The following ACOXL variants were observed in gnomAD, a reference collection of about 807,000 sequenced individuals.
ACOXL encodes the protein acyl-CoA oxidase like.
A neutral mutation model predicts 71.9 loss-of-function variants in ACOXL; 70 were observed. That is an observed-to-expected ratio of 0.97 (90% CI 0.80 to 1.19). ACOXL has a LOEUF of 1.19. ACOXL is among the 50% of genes most tolerant of loss of function. The pLI, the probability that ACOXL is intolerant of heterozygous loss-of-function variation, is 0.00. For synonymous variants in ACOXL, 253 were observed against 281.6 expected, an observed-to-expected ratio of 0.90 and a Z score of 1.02; for missense variants, 703 against 736.3, an observed-to-expected ratio of 0.95 and a Z score of 0.52.
chr2:110,815,632 T>C (rs1158462173), intron 9 of ACOXL, among the ~76,000 whole-genome samples: 2 of 152,166 alleles, frequency 1.3e-5, no homozygotes, highest in Non-Finnish European at 2.9e-5. Flanking sequence ...GATTATTACA[T>C]GGTTTGCAGT....
chr2:111,063,175 C>T (rs2066901273), intron 16 of ACOXL, among the ~76,000 whole-genome samples: 1 of 151,956 alleles, frequency 6.6e-6, no homozygotes, highest in African/African-American at 2.4e-5. Flanking sequence ...AATTCCAGGC[C>T]CAGATACTTT....
At chr2:111,075,450 A>G (rs2067552819) in intron 16 of ACOXL, among the ~76,000 whole-genome samples, 1 of 128,114 alleles carries the variant, frequency 7.8e-6, no homozygotes, top group Non-Finnish European at 1.7e-5. Flanking sequence ...TTCATTTTTG[A>G]TTTCAGTAAT....
chr2:111,114,130 T>C (rs1481101433), intron 17 of ACOXL: 2 of 152,700 alleles, frequency 1.3e-5, no homozygotes, highest in East Asian at 3.8e-4. Context: ...GTTCTTTGGC[T>C]AGTCTTACCT....
rs761671637 is a variant in ACOXL, at chr2:111,049,263, A to T, written c.1415A>T (p.Gln472Leu). The T allele has an allele frequency of 6.2e-7, 1 of 1,612,346 alleles. No individual in the cohort carries two copies. Among genetic ancestry groups the T allele is most frequent in the East Asian group, 2.2e-5 (1 of 44,872 alleles). ...FSLAVKSCPD[Q>L]EDQTLLMKFC... ...CTAGCAGTGAAGAGCTGTCCTGACC[A>T]AGAGGACCAGACTTTGTTAATGAAG... The change falls in exon 16 of 18, where the codon CAA (glutamine) becomes CTA (leucine). Residue 472 changes from glutamine to leucine, a missense_variant. By Grantham distance (113) the Gln-to-Leu change is moderately radical. Coordinates refer to ENST00000439055, the MANE Select transcript of ACOXL (RefSeq NM_001142807.4).
intron 1 of ACOXL, among the ~76,000 whole-genome samples, chr2:110,743,124 T>C (rs1442534728): frequency 6.6e-6 from 1 of 152,242 alleles, no homozygotes; most frequent in Non-Finnish European, 1.5e-5. Flanking sequence ...GAGTTGTGTA[T>C]TCTGGACATT....
chr2:111,007,104 A>G (rs2063912988), intron 14 of ACOXL, among the ~76,000 whole-genome samples: 1 of 152,182 alleles, frequency 6.6e-6, no homozygotes, highest in Non-Finnish European at 1.5e-5. Flanking sequence ...CTCCCATGGG[A>G]GTATGAGAGC....
chr2:111,052,515 A>C (rs944341228), intron 16 of ACOXL, among the ~76,000 whole-genome samples: 1 of 152,128 alleles, frequency 6.6e-6, no homozygotes, highest in African/African-American at 2.4e-5. Flanking sequence ...GACCCTGCAG[A>C]CCCGAGAAGG....
At chr2:110,835,236 G>A (rs780660103) in intron 9 of ACOXL, among the ~76,000 whole-genome samples, 3 of 151,940 alleles carry the variant, frequency 2.0e-5, no homozygotes, top group East Asian at 3.9e-4. Flanking sequence ...TTTAACTTAA[G>A]TGTGGCTTTT....
In ACOXL at chr2:110,817,204, C is replaced by G. The variant is rs112570201; in HGVS notation, c.753+11809C>G. 1.7e-3 allele frequency among the ~76,000 whole-genome samples: 253 copies of G among 152,346 alleles called. 1 individual carries two copies. Among genetic ancestry groups the G allele is most frequent in the African/African-American group, 5.7e-3 (239 of 41,584 alleles). ...CCACGTGCTGATGGTCTCCCGTGGG[C>G]TAGGCTCTTGAGATTCCATGTGTGT... On this transcript the variant is annotated intron_variant, in intron 9 of 17. Transcript: ENST00000439055.
At chr2:110,750,103 A>G (rs577271746) in intron 1 of ACOXL, among the ~76,000 whole-genome samples, 60 of 152,276 alleles carry the variant, frequency 3.9e-4, no homozygotes, top group Admixed American at 1.5e-3. Flanking sequence ...AGGTTTCTCC[A>G]CTGTACAGTT....
intron 2 of ACOXL, among the ~76,000 whole-genome samples, chr2:110,771,638 G>A (rs961028309): frequency 2.0e-5 from 3 of 152,152 alleles, no homozygotes; most frequent in Non-Finnish European, 2.9e-5. Context: ...ATTTTAAAGC[G>A]AAAAAACAAT....
intron 10 of ACOXL, among the ~76,000 whole-genome samples, chr2:110,886,497 C>T (rs999366786): frequency 2.0e-4 from 30 of 151,766 alleles, no homozygotes; most frequent in African/African-American, 6.1e-4. Context: ...CTGCCTCAGC[C>T]TCCTGAGTAG....
At position 110,995,881 on chromosome 2, in the gene ACOXL, ATTTT is replaced by A; in HGVS notation, c.1170-11_1170-8del. The A allele has an allele frequency of 6.2e-7, 1 of 1,605,866 alleles. No individual in the cohort carries two copies. The highest frequency in any genetic ancestry group is 8.5e-7 in the Non-Finnish European group (1 of 1,172,730). On this transcript the variant is annotated splice_region_variant and splice_polypyrimidine_tract_variant and intron_variant, in intron 13 of 17. Coordinates refer to ENST00000439055, the MANE Select transcript of ACOXL (RefSeq NM_001142807.4). ...CAAAATAATAATGATGGTCACCGTG[ATTTT>A]CTTTCAGTTTCCTGGCATTTAACAT...
intron 11 of ACOXL, among the ~76,000 whole-genome samples, chr2:110,919,052 G>A (rs1444703075): frequency 1.3e-5 from 2 of 152,010 alleles, no homozygotes; most frequent in African/African-American, 4.8e-5. Flanking sequence ...CCCATTACTG[G>A]GTATATACCC....
chr2:110,825,329 A>G (rs949933297), intron 9 of ACOXL, among the ~76,000 whole-genome samples: 2 of 152,194 alleles, frequency 1.3e-5, no homozygotes, highest in African/African-American at 4.8e-5. Context: ...TCAGGAAATA[A>G]CAATTAAAAA....
chr2:111,088,860 C>T (rs377557000), intron 16 of ACOXL, among the ~76,000 whole-genome samples: 67 of 152,108 alleles, frequency 4.4e-4, no homozygotes, highest in Admixed American at 2.2e-3. Context: ...TAAAATTCTA[C>T]GAAAGACTAT....
chr2:111,033,078 C>T (rs1288452036), intron 15 of ACOXL, among the ~76,000 whole-genome samples: 1 of 152,176 alleles, frequency 6.6e-6, no homozygotes, highest in Non-Finnish European at 1.5e-5. Flanking sequence ...ATGGGAACAC[C>T]TCCCCAGAGA....
Position 110,794,146 on chromosome 2 carries a change from C to T in ACOXL, c.317C>T (p.Thr106Ile), listed in dbSNP as rs1276868636. ...GGGAGCAACGCGAGAGGGATCCAGA[C>T]CGAAGCCACCTTTGACCTCTCTGCC... ...GHGSNARGIQ[T>I]EATFDLSAQE... The change falls in exon 5 of 18, where the codon ACC becomes ATC. Residue 106 changes from threonine (T) to isoleucine (I), a missense_variant. By Grantham distance (89) the Thr-to-Ile change is moderately conservative (BLOSUM62 -1). Transcript: ENST00000439055. 1 of 1,614,154 alleles carries T rather than the reference C, an allele frequency of 6.2e-7. No individual in the cohort carries two copies. Among genetic ancestry groups the T allele is most frequent in the Admixed American group, 1.7e-5 (1 of 60,014 alleles).
chr2:111,065,628 C>T (rs1057029000), intron 16 of ACOXL, among the ~76,000 whole-genome samples: 2 of 152,144 alleles, frequency 1.3e-5, no homozygotes, highest in African/African-American at 2.4e-5. Flanking sequence ...CACACTAAGG[C>T]ATAGTACCTA....
Sources: allele counts gnomAD v4.1 joint callset (sites outside exome capture counted in the v4.1 genomes callset), GRCh38; gene constraint gnomAD v4.1.1; transcripts MANE v1.5; gene names NCBI Gene and HGNC (gene_info 2026-07-23, HGNC 2026-07-21).